SCAP: variants seen among roughly 807,000 people sequenced by gnomAD.
SCAP encodes the protein sterol regulatory element-binding protein cleavage-activating protein.
SCAP carries 65 observed loss-of-function variants against 123.6 expected under a neutral mutation model. The ratio of observed to expected loss-of-function variants is 0.53; its 90% CI spans 0.43 to 0.65. The LOEUF (loss-of-function observed/expected upper bound fraction) is 0.65, where lower values mean the gene tolerates loss of function less well. Among genes scored for constraint, SCAP ranks in the 30% least tolerant of loss-of-function variants. The probability of loss-of-function intolerance (pLI) is 0.00; values close to 1 mark genes in which losing one functional copy is unlikely to be tolerated. For missense variants in SCAP, 1,398 were observed against 1,712.5 expected, an observed-to-expected ratio of 0.82 and a Z score of 3.24; for synonymous variants, 740 against 726.3, an observed-to-expected ratio of 1.02 and a Z score of -0.30.
At chr3:47,417,248 GC>G in intron 17 of SCAP, 41 bp from the exon 18 acceptor site, 1 of 1,612,562 alleles carries the variant, frequency 6.2e-7, no homozygotes. Flanking sequence ...AGCCAGAAAG[GC>G]CCACAATCCC....
intron 1 of SCAP, among the ~76,000 whole-genome samples, chr3:47,457,361 C>T (rs1480221700): frequency 6.6e-6 from 1 of 152,218 alleles, no homozygotes; most frequent in Non-Finnish European, 1.5e-5. Flanking sequence ...CTGAGCTTCT[C>T]TAACTGTGAA....
At chr3:47,451,478 G>A (rs1707230642) in intron 1 of SCAP, among the ~76,000 whole-genome samples, 2 of 105,126 alleles carry the variant, frequency 1.9e-5, no homozygotes. Flanking sequence ...GCTCACTGCA[G>A]CCTCCACCTC....
chr3:47,437,738 G>A (rs913679480), intron 2 of SCAP, among the ~76,000 whole-genome samples: 6 of 151,460 alleles, frequency 4.0e-5, no homozygotes, highest in East Asian at 3.9e-4. Context: ...TGAGACCCCC[G>A]TCTCAAAAAA....
rs778990905 is a variant in SCAP at position 47,414,791 on chromosome 3, G to A, written c.3306+36C>T. 1.3e-5 allele frequency: 21 copies of A among 1,597,406 alleles called. No homozygotes were observed. The African/African-American group carries it at 2.8e-4, about 21-fold the overall frequency. On this transcript the variant is annotated intron_variant, in intron 20 of 22. Transcript: ENST00000265565. ...GCATCAGGCTCCCACCCCGTGCCGG[G>A]CCACTCCAGCACCCAAGAGACAAGA...
At chr3:47,442,392 GAAGC>G (rs1319600928) in intron 2 of SCAP, among the ~76,000 whole-genome samples, 1 of 152,154 alleles carries the variant, frequency 6.6e-6, no homozygotes, top group African/African-American at 2.4e-5. Flanking sequence ...CAAGAAGTCT[GAAGC>G]AAGCTCCATG....
rs773671555 is a variant in SCAP, at chr3:47,427,432, T to A, written c.631+15A>T. The A allele has an allele frequency of 6.2e-6, 10 of 1,613,020 alleles. No individual in the cohort carries two copies. The highest frequency in any genetic ancestry group is 7.6e-6 in the Non-Finnish European group (9 of 1,179,066). Reference sequence around the variant, plus strand: ...GCACCTTTACAGGTCTGAAGGGAACTTGTACTGGGGCTACCTTTGAGTGTG... The same window carrying A: ...GCACCTTTACAGGTCTGAAGGGAACATGTACTGGGGCTACCTTTGAGTGTG... On this transcript the variant is annotated intron_variant, in intron 5 of 22. Transcript: ENST00000265565.
intron 1 of SCAP, among the ~76,000 whole-genome samples, chr3:47,471,317 A>G (rs918334880): frequency 1.3e-5 from 2 of 152,194 alleles, no homozygotes; most frequent in Non-Finnish European, 2.9e-5. Context: ...TTAGAACGGG[A>G]AGGAAATGTG....
Position 47,420,928 on chromosome 3 carries a change from T to C in SCAP, c.1344+3A>G. On this transcript the variant is annotated splice_donor_region_variant and intron_variant, in intron 11 of 22. Transcript: ENST00000265565. This position sits in a 1 kb window ranked among gnomAD's most constrained non-coding sequence, Gnocchi z 5.0. ...GGCAGGGCAGGGCTCAGCCCACTCCTACCTCCATCCGGCGAATGTCAATGG... is the reference window on the plus strand; with the variant it reads ...GGCAGGGCAGGGCTCAGCCCACTCCCACCTCCATCCGGCGAATGTCAATGG... The C allele has an allele frequency of 2.5e-6, 4 of 1,613,222 alleles. No individual in the cohort carries two copies. Among genetic ancestry groups the C allele is most frequent in the Middle Eastern group, 1.7e-4 (1 of 6,060 alleles).
chr3:47,436,008 C>G (rs1706564520), intron 2 of SCAP, among the ~76,000 whole-genome samples: 1 of 151,586 alleles, frequency 6.6e-6, no homozygotes, highest in Non-Finnish European at 1.5e-5. Flanking sequence ...ATGATTATAC[C>G]ACTGCACTCC....
chr3:47,441,783 T>C (rs1410656966), intron 2 of SCAP, among the ~76,000 whole-genome samples: 1 of 151,456 alleles, frequency 6.6e-6, no homozygotes, highest in East Asian at 1.9e-4. Context: ...CCCTCTTTGT[T>C]AAATGGAAAC....
chr3:47,418,830 G>A lies in SCAP; in HGVS notation c.1954C>T (p.Leu652=), dbSNP rs772480411. The A allele has an allele frequency of 8.5e-6, 13 of 1,524,388 alleles. No individual in the cohort carries two copies. The highest frequency in any genetic ancestry group is 1.8e-4 in the Middle Eastern group (1 of 5,634). The allele number at this position is 1,524,388 out of a possible 1,614,324, so 94.4% of individuals were successfully genotyped here. A position where few individuals can be genotyped will look rare whatever the true frequency, so the allele number is the denominator to read the frequency against. The change falls in exon 14 of 23, where the codon CTG becomes TTG. Residue 652 remains leucine, a synonymous_variant. Coordinates refer to ENST00000265565, the MANE Select transcript of SCAP (RefSeq NM_012235.4). ...ITLAKRYISL[L]PVIPVTLRLN... is the part of the protein sequence containing the mutation. ...CGGAGCGTGACTGGGATGACGGGCA[G>A]CAGGCTGATGTACCTGGATTCGGAC... is the stretch of plus-strand genomic sequence containing the variant.
At chr3:47,471,449 A>G (rs1708021338) in intron 1 of SCAP, among the ~76,000 whole-genome samples, 1 of 152,208 alleles carries the variant, frequency 6.6e-6, no homozygotes, top group Non-Finnish European at 1.5e-5. Context: ...TGAGCTTCCT[A>G]GTGGCCAAGG....
intron 3 of SCAP, among the ~76,000 whole-genome samples, chr3:47,429,503 C>G (rs138296178): frequency 1.2e-3 from 183 of 152,356 alleles, no homozygotes; most frequent in African/African-American, 4.1e-3. Flanking sequence ...TGTGCACCAC[C>G]ACCACGCCTA....
In SCAP at chr3:47,418,656, T is replaced by G. The variant is rs1351576667; in HGVS notation, c.2128A>C (p.Lys710Gln). Reference sequence around the variant, plus strand: ...CCCCACCCCACCCAGCAGCCTTACTTGTACAGCGTGACGTCTCCATGGGCC... The same window carrying G: ...CCCCACCCCACCCAGCAGCCTTACTGGTACAGCGTGACGTCTCCATGGGCC... ...VQAHGDVTLY[K>Q]VAALGLATGI... Residue 710 changes from lysine (K) to glutamine (Q), a missense_variant and splice_region_variant, in exon 14 of 23, where the codon AAG becomes CAG. Transcript: ENST00000265565. The G allele has an allele frequency of 2.5e-6, 3 of 1,200,050 alleles. No individual in the cohort carries two copies. Among genetic ancestry groups the G allele is most frequent in the Admixed American group, 1.9e-5 (1 of 52,342 alleles). 74.3% of individuals were successfully genotyped at this position (1,200,050 alleles called of 1,614,324 possible). A position where few individuals can be genotyped will look rare whatever the true frequency, so the allele number is the denominator to read the frequency against.
intron 4 of SCAP, 21 bp downstream of exon 4, chr3:47,428,492 C>T (rs761362229): frequency 6.2e-7 from 1 of 1,612,040 alleles, no homozygotes; most frequent in Non-Finnish European, 8.5e-7. Flanking sequence ...TCAGGGAGGC[C>T]AGGGTCCCTG....
intron 10 of SCAP, chr3:47,421,339 A>C: frequency 3.2e-6 from 1 of 309,350 alleles, no homozygotes; most frequent in Non-Finnish European, 6.3e-6. Flanking sequence ...GAAACCTCTA[A>C]GCCCCACCAG....
In SCAP at chr3:47,427,513, G is replaced by T. The variant is rs755208981; in HGVS notation, c.565C>A (p.Pro189Thr). The stretch of plus-strand genomic sequence containing the variant: ...TGGTGGATGGTCCCAATGATGTCAG[G>T]ATCAGCATGGAAGCGTTCCCAGTCA... ...QNDWERFHAD[P>T]DIIGTIHQHE... The change falls in exon 5 of 23, where the codon CCT (proline) becomes ACT (threonine). Residue 189 changes from proline (P) to threonine (T), a missense_variant. Around this residue, in one of 7 missense-constraint regions of SCAP, gnomAD observed 319 missense variants for 432.4 expected, o/e 0.74. Coordinates refer to ENST00000265565, the MANE Select transcript of SCAP (RefSeq NM_012235.4). The T allele has an allele frequency of 6.2e-7, 1 of 1,614,204 alleles. No homozygotes were observed. Among genetic ancestry groups the T allele is most frequent in the South Asian group, 1.1e-5 (1 of 91,084 alleles).
chr3:47,445,448 A>G (rs893446675), intron 1 of SCAP, among the ~76,000 whole-genome samples: 1 of 151,736 alleles, frequency 6.6e-6, no homozygotes, highest in Non-Finnish European at 1.5e-5. Flanking sequence ...GGATTTCATC[A>G]TGTTGGCCAG....
intron 1 of SCAP, among the ~76,000 whole-genome samples, chr3:47,458,655 ATG>A (rs1707517933): frequency 6.6e-6 from 1 of 152,206 alleles, no homozygotes; most frequent in African/African-American, 2.4e-5. Flanking sequence ...CACGTGCATA[ATG>A]TCAACCCTCT....
Sources: allele counts gnomAD v4.1 joint callset (sites outside exome capture counted in the v4.1 genomes callset), GRCh38; gene constraint gnomAD v4.1.1; regional missense constraint gnomAD v4.1.1; non-coding constraint Gnocchi (gnomAD v3.1); transcripts MANE v1.5; gene names NCBI Gene and HGNC (gene_info 2026-07-23, HGNC 2026-07-21).